TXK: variants seen among roughly 807,000 people sequenced by gnomAD.
The protein encoded by TXK is TXK tyrosine kinase.
TXK carries 60 observed loss-of-function variants against 81.0 expected under a neutral mutation model. That is an observed-to-expected ratio of 0.74 (90% confidence interval 0.60 to 0.92). The LOEUF (loss-of-function observed/expected upper bound fraction) is 0.92. Among genes scored for constraint, TXK ranks in the 40% least tolerant of loss-of-function variants. TXK has a pLI of 0.00. For synonymous variants in TXK, 203 were observed against 210.7 expected, an observed-to-expected ratio of 0.96 and a Z score of 0.32; for missense variants, 581 against 638.3, an observed-to-expected ratio of 0.91 and a Z score of 0.97.
At chr4:48,069,770 A>ATGTCTATATATAT (rs745621197) in intron 14 of TXK, among the ~76,000 whole-genome samples, 65 of 152,194 alleles carry the variant, frequency 4.3e-4, no homozygotes, top group Non-Finnish European at 6.9e-4. Context: ...TCTATGTCTC[A>ATGTCTATATATAT]GTTCCACTTA....
intron 13 of TXK, among the ~76,000 whole-genome samples, chr4:48,072,494 A>G (rs1194568740): frequency 1.3e-5 from 2 of 152,216 alleles, no homozygotes; most frequent in Admixed American, 1.3e-4. Flanking sequence ...GCCCCAGAAT[A>G]TCTAGCAGGG....
chr4:48,114,350 C>G lies in TXK; in HGVS notation c.69G>C (p.Lys23Asn). The G allele has an allele frequency of 6.2e-7, 1 of 1,614,080 alleles. No homozygotes were observed. Among genetic ancestry groups the G allele is most frequent in the East Asian group, 2.2e-5 (1 of 44,894 alleles). ...FCCCCCCSVQ[K>N]RQMRTQISLS... ...ATTGCCCTCGGAAGTAGACTTACCGCTTCTGCACTGAACAGCAACAGCAGC... is the reference window on the plus strand; with the variant it reads ...ATTGCCCTCGGAAGTAGACTTACCGGTTCTGCACTGAACAGCAACAGCAGC... Residue 23 changes from lysine (K) to asparagine (N), a missense_variant and splice_region_variant, in exon 2 of 15, where the codon AAG becomes AAC. Transcript: ENST00000264316.
intron 8 of TXK, among the ~76,000 whole-genome samples, chr4:48,091,080 G>C (rs967130247): frequency 2.0e-5 from 3 of 152,248 alleles, no homozygotes; most frequent in Admixed American, 6.5e-5. Flanking sequence ...CTCAGTGAGA[G>C]AAGACAGGCA....
intron 13 of TXK, among the ~76,000 whole-genome samples, chr4:48,071,992 C>T (rs1415684382): frequency 7.0e-6 from 1 of 142,880 alleles, no homozygotes; most frequent in South Asian, 2.2e-4. Context: ...CTCGCTCTGT[C>T]GCCCGGGCTG....
At chr4:48,080,171 C>T (rs1375236054) in intron 10 of TXK, 43 bp from the exon 11 acceptor site, 7 of 1,472,308 alleles carry the variant, frequency 4.8e-6, no homozygotes, top group Non-Finnish European at 6.7e-6. Context: ...ATTGTGTTTG[C>T]ATTTTTAAAT....
chr4:48,090,494 A>G (rs1717723022), intron 8 of TXK, among the ~76,000 whole-genome samples: 1 of 152,216 alleles, frequency 6.6e-6, no homozygotes, highest in Admixed American at 6.5e-5. Flanking sequence ...ATAGATTTCT[A>G]TACATCAAAT....
Position 48,094,221 on chromosome 4 carries a change from G to A in TXK, c.582-17C>T, listed in dbSNP as rs778848802. 5 of 1,611,494 alleles carry A rather than the reference G, an allele frequency of 3.1e-6. No homozygotes were observed. In the African/African-American group the frequency reaches 4.0e-5, roughly 13 times the overall value. ...TCCGTACTTCTACAATCAAGAAAAT[G>A]TGAATTACTAGAAATGTGAAAGATC... On this transcript the variant is annotated splice_polypyrimidine_tract_variant and intron_variant, in intron 7 of 14. Coordinates refer to ENST00000264316, the MANE Select transcript of TXK (RefSeq NM_003328.3).
intron 1 of TXK, among the ~76,000 whole-genome samples, chr4:48,118,978 G>C (rs1159511374): frequency 6.6e-6 from 1 of 152,208 alleles, no homozygotes; most frequent in Non-Finnish European, 1.5e-5. Context: ...AGGTCCAGCA[G>C]TACTGGAACT....
chr4:48,077,519 G>A (rs75454450), intron 11 of TXK, among the ~76,000 whole-genome samples: 10 of 149,096 alleles, frequency 6.7e-5, no homozygotes, highest in Non-Finnish European at 5.9e-5. Context: ...GAGCAAACAA[G>A]AAAAAAAAAA....
At chr4:48,128,114 T>C (rs1719141944) in intron 1 of TXK, among the ~76,000 whole-genome samples, 1 of 152,256 alleles carries the variant, frequency 6.6e-6, no homozygotes, top group Non-Finnish European at 1.5e-5. Flanking sequence ...GTTTTGAAGT[T>C]TACATCGTCA....
At chr4:48,107,754 A>AC (rs1367022206) in intron 5 of TXK, among the ~76,000 whole-genome samples, 1 of 151,604 alleles carries the variant, frequency 6.6e-6, no homozygotes, top group East Asian at 1.9e-4. Flanking sequence ...GTATCATAAC[A>AC]CTACGATTTA....
At chr4:48,096,171 T>C (rs540652371) in intron 6 of TXK, among the ~76,000 whole-genome samples, 121 of 152,324 alleles carry the variant, frequency 7.9e-4, no homozygotes, top group African/African-American at 2.6e-3. Flanking sequence ...CCTGGTCAAA[T>C]TGTTTTAACC....
Position 48,112,295 on chromosome 4 carries a change from T to TA in TXK, c.380+11dup. The TA allele has an allele frequency of 6.2e-7, 1 of 1,612,656 alleles. No homozygotes were observed. The highest frequency in any genetic ancestry group is 1.1e-5 in the South Asian group (1 of 91,040). On this transcript the variant is annotated intron_variant, in intron 4 of 14. Transcript: ENST00000264316. ...AGAATTGGATACTGACTAAGTCATG[T>TA]AAGTGTCTTACCCCAAACGGTCTCT...
At chr4:48,073,825 A>G in intron 13 of TXK, 110 bp downstream of exon 13, 1 of 761,174 alleles carries the variant, frequency 1.3e-6, no homozygotes, top group Non-Finnish European at 2.2e-6. Flanking sequence ...GCACAATTAC[A>G]AGAAGACTTT....
At chr4:48,117,299 T>C (rs1221331177) in intron 1 of TXK, among the ~76,000 whole-genome samples, 1 of 152,226 alleles carries the variant, frequency 6.6e-6, no homozygotes, top group Non-Finnish European at 1.5e-5. Context: ...TCCTGTAGGA[T>C]TTGGGTTTTT....
At chr4:48,089,068 C>T (rs1330951328) in intron 9 of TXK, among the ~76,000 whole-genome samples, 3 of 152,176 alleles carry the variant, frequency 2.0e-5, no homozygotes, top group African/African-American at 7.2e-5. Context: ...GAAGACGATA[C>T]TTTCAGCAGC....
At chr4:48,092,142 A>G (rs1202710451) in intron 8 of TXK, among the ~76,000 whole-genome samples, 2 of 152,216 alleles carry the variant, frequency 1.3e-5, no homozygotes, top group African/African-American at 4.8e-5. Flanking sequence ...TGTAAGATGA[A>G]GCATCCTACT....
intron 1 of TXK, among the ~76,000 whole-genome samples, chr4:48,125,883 G>C (rs1040255378): frequency 1.4e-4 from 22 of 152,242 alleles, no homozygotes; most frequent in African/African-American, 5.3e-4. Flanking sequence ...TCCTTGCTCA[G>C]GGGAGGTCTG....
Position 48,074,008 on chromosome 4 carries a change from G to A in TXK, c.1284C>T (p.Phe428=), listed in dbSNP as rs202072717. ...DEYVSSFGAK[F]PIKWSPPEVF... ...CTTCAGGAGGGGACCACTTGATTGGGAACTTGGCTCCAAAAGAACTGACAT... is the reference window on the plus strand; with the variant it reads ...CTTCAGGAGGGGACCACTTGATTGGAAACTTGGCTCCAAAAGAACTGACAT... The change falls in exon 13 of 15, where the codon TTC becomes TTT. Residue 428 remains phenylalanine, a synonymous_variant. Transcript: ENST00000264316. 147 of 1,613,866 alleles carry A rather than the reference G, an allele frequency of 9.1e-5. 1 individual carries two copies. In the East Asian group the frequency reaches 3.2e-3, roughly 35 times the overall value.
Sources: gnomAD v4.1 joint callset for allele counts (sites outside exome capture counted in the v4.1 genomes callset) on GRCh38, gnomAD v4.1.1 for gene constraint, MANE v1.5 for transcripts, NCBI Gene and HGNC (gene_info 2026-07-23, HGNC 2026-07-21) for gene names.